SRBD1: variants seen among roughly 807,000 people sequenced by gnomAD.
SRBD1 encodes S1 RNA-binding domain-containing protein 1.
Under a neutral mutation model 115.3 loss-of-function variants are expected in SRBD1, and 88 were observed. That is an observed-to-expected ratio of 0.76 (90% CI 0.64 to 0.91). The LOEUF is 0.91. SRBD1 is among the 40% of genes least tolerant of loss of function. SRBD1 has a pLI of 0.00. For synonymous variants in SRBD1, 509 were observed against 407.7 expected, an observed-to-expected ratio of 1.25 and a Z score of -2.99; for missense variants, 1,385 against 1,177.4, an observed-to-expected ratio of 1.18 and a Z score of -2.58.
chr2:45,556,227 T>C (rs932992576), intron 10 of SRBD1, among the ~76,000 whole-genome samples: 3 of 152,088 alleles, frequency 2.0e-5, no homozygotes, highest in Non-Finnish European at 4.4e-5. Context: ...GAATTAGGGA[T>C]ACAGAGGAGT....
intron 10 of SRBD1, among the ~76,000 whole-genome samples, chr2:45,560,259 A>C (rs866624785): frequency 6.6e-6 from 1 of 152,206 alleles, no homozygotes; most frequent in Non-Finnish European, 1.5e-5. Context: ...CACTGTAAAA[A>C]AATTCCTTGA....
rs2112038 is a variant in SRBD1, at chr2:45,490,349, G to A, written c.1875-2018C>T. 2.0e-3 allele frequency among the ~76,000 whole-genome samples: 298 copies of A among 152,088 alleles called. 12 individuals carry two copies. In the East Asian group the frequency reaches 0.051, roughly 26 times the overall value. On this transcript the variant is annotated intron_variant, in intron 14 of 20. Coordinates refer to ENST00000263736, the MANE Select transcript of SRBD1 (RefSeq NM_018079.5). ...TGTGTTTATATAAATTTTCCCCCAAGGAAAGCTGGTTCTAGCATTCATTGA... is the reference window on the plus strand; with the variant it reads ...TGTGTTTATATAAATTTTCCCCCAAAGAAAGCTGGTTCTAGCATTCATTGA...
intron 16 of SRBD1, among the ~76,000 whole-genome samples, chr2:45,435,981 T>G (rs1458655129): frequency 6.6e-6 from 1 of 152,134 alleles, no homozygotes; most frequent in African/African-American, 2.4e-5. Context: ...TCAGTATTTC[T>G]CATGAACACA....
chr2:45,610,988 A>G (rs997411370), intron 1 of SRBD1, among the ~76,000 whole-genome samples: 3 of 151,782 alleles, frequency 2.0e-5, no homozygotes, highest in Non-Finnish European at 4.4e-5. Context: ...TAAGAGCTGC[A>G]GCAATTTGGC....
At position 45,486,300 on chromosome 2, in the gene SRBD1, T is replaced by C. The variant is rs371313496; in HGVS notation, c.1966+1940A>G. Among the ~76,000 whole-genome samples, 31 of 152,346 alleles carry C rather than the reference T, an allele frequency of 2.0e-4. 1 individual carries two copies. The highest frequency in any genetic ancestry group is 5.8e-4 in the African/African-American group (24 of 41,594). The stretch of plus-strand genomic sequence containing the variant: ...ACACTATTGGGAGATACCTTCTCAA[T>C]AGCAACTTGAGAAATTCTGGATTTT... On this transcript the variant is annotated intron_variant, in intron 15 of 20. Coordinates refer to ENST00000263736, the MANE Select transcript of SRBD1 (RefSeq NM_018079.5).
chr2:45,398,068 T>G (rs1454590024), intron 19 of SRBD1, among the ~76,000 whole-genome samples: 1 of 152,170 alleles, frequency 6.6e-6, no homozygotes, highest in Non-Finnish European at 1.5e-5. Context: ...AGATATCTAG[T>G]GAAAATAATA....
At chr2:45,555,083 T>C (rs980492643) in intron 10 of SRBD1, among the ~76,000 whole-genome samples, 13 of 152,054 alleles carry the variant, frequency 8.5e-5, no homozygotes, top group African/African-American at 2.9e-4. Context: ...CCCTCCACGA[T>C]CCCCTTAAAA....
At position 45,562,754 on chromosome 2, in the gene SRBD1, A is replaced by C. The variant is rs1456510898; in HGVS notation, c.1308T>G (p.Ile436Met). ...AATTTTCTCCACGGTTAATTGCCAG[A>C]ATCTGAGTGCAAACATAAGGCAAAG... ...CNIRNIHHHQ[I>M]LAINRGENLK... Residue 436 changes from isoleucine (I) to methionine (M), a missense_variant and splice_region_variant, in exon 10 of 21, where the codon ATT (isoleucine) becomes ATG (methionine). Transcript: ENST00000263736. 3 of 1,602,902 alleles carry C rather than the reference A, an allele frequency of 1.9e-6. No individual in the cohort carries two copies. The highest frequency in any genetic ancestry group is 2.6e-6 in the Non-Finnish European group (3 of 1,175,740).
At chr2:45,409,190 C>G (rs1346909964) in intron 19 of SRBD1, among the ~76,000 whole-genome samples, 2 of 152,120 alleles carry the variant, frequency 1.3e-5, no homozygotes, top group African/African-American at 4.8e-5. Context: ...CTACTGCACT[C>G]CTGCCTGGGT....
chr2:45,414,777 C>CACACACACATAGTGTGTATATAGTATGT (rs1553384171), intron 18 of SRBD1, among the ~76,000 whole-genome samples: 23,596 of 77,456 alleles, frequency 0.3, 5,173 homozygotes, highest in African/African-American at 0.37. Flanking sequence ...ATAGTATGTA[C>CACACACACATAGTGTGTATATAGTATGT]ACACACACAT....
At chr2:45,559,817 G>C (rs1035145171) in intron 10 of SRBD1, among the ~76,000 whole-genome samples, 1 of 152,076 alleles carries the variant, frequency 6.6e-6, no homozygotes, top group Non-Finnish European at 1.5e-5. Context: ...TTCATGCCTG[G>C]GGTGGTTCAT....
At chr2:45,543,076 A>C (rs1157060744) in intron 14 of SRBD1, among the ~76,000 whole-genome samples, 1 of 152,252 alleles carries the variant, frequency 6.6e-6, no homozygotes, top group Admixed American at 6.5e-5. Context: ...CATATACTTT[A>C]AACAAATGAC....
intron 15 of SRBD1, among the ~76,000 whole-genome samples, chr2:45,484,172 T>C (rs1228436161): frequency 6.6e-6 from 1 of 152,144 alleles, no homozygotes; most frequent in African/African-American, 2.4e-5. Context: ...GAAGTTTTCA[T>C]TACATGTTAG....
chr2:45,513,840 T>C (rs1671044646), intron 14 of SRBD1, among the ~76,000 whole-genome samples: 1 of 152,068 alleles, frequency 6.6e-6, no homozygotes, highest in Non-Finnish European at 1.5e-5. Context: ...AGATAAAAGG[T>C]AAAAATTAAA....
At chr2:45,456,939 T>C (rs1299264674) in intron 16 of SRBD1, among the ~76,000 whole-genome samples, 2 of 151,836 alleles carry the variant, frequency 1.3e-5, no homozygotes, top group African/African-American at 4.8e-5. Context: ...AGAACAAAAA[T>C]GAAATTCCAG....
intron 14 of SRBD1, among the ~76,000 whole-genome samples, chr2:45,527,730 G>A (rs1671492285): frequency 1.3e-5 from 2 of 151,852 alleles, no homozygotes; most frequent in Admixed American, 1.3e-4. Flanking sequence ...AAGAGACACA[G>A]GGAGATTAAG....
chr2:45,599,858 T>C, intron 3 of SRBD1, 23 bp from the exon 4 acceptor site: 1 of 1,580,036 alleles, frequency 6.3e-7, no homozygotes, highest in Non-Finnish European at 8.6e-7. Flanking sequence ...AAAGAGAACA[T>C]ATGAGAATTA....
intron 10 of SRBD1, among the ~76,000 whole-genome samples, chr2:45,559,807 T>G (rs896038431): frequency 6.6e-6 from 1 of 152,138 alleles, no homozygotes; most frequent in Admixed American, 6.5e-5. Flanking sequence ...GGCATGGTGG[T>G]TCATGCCTGG....
In SRBD1 at chr2:45,547,604, G is replaced by A. The variant is rs769055717; in HGVS notation, c.1684C>T (p.Leu562Phe). 1 of 1,608,004 alleles carries A rather than the reference G, an allele frequency of 6.2e-7. No homozygotes were observed. Among genetic ancestry groups the A allele is most frequent in the South Asian group, 1.1e-5 (1 of 89,566 alleles). Residue 562 changes from leucine (L) to phenylalanine (F), a missense_variant, in exon 13 of 21, where the codon CTT becomes TTT. Physicochemically the swap from Leu to Phe is conservative, Grantham distance 22. Transcript: ENST00000263736. ...TGCAAGTAAACCACATCAGTATGAA[G>A]TATCTGACCTTTAAAAAATGAAAAG... ...LAIISPTSQILHTDVVYLHCG... is the reference protein window; with the variant it reads ...LAIISPTSQIFHTDVVYLHCG...
Sources: gnomAD v4.1 joint callset for allele counts (sites outside exome capture counted in the v4.1 genomes callset) on GRCh38, gnomAD v4.1.1 for gene constraint, MANE v1.5 for transcripts, NCBI Gene and HGNC (gene_info 2026-07-23, HGNC 2026-07-21) for gene names.